GNAQ: variants seen among roughly 807,000 people sequenced by gnomAD.
The protein encoded by GNAQ is guanine nucleotide-binding protein G(q) subunit alpha.
GNAQ carries 8 observed loss-of-function variants against 43.9 expected under a neutral mutation model. The ratio of observed to expected loss-of-function variants is 0.18; its 90% CI spans 0.11 to 0.33. GNAQ has a LOEUF of 0.33. GNAQ is among the 10% of genes least tolerant of loss of function. The probability of loss-of-function intolerance (pLI) is 1.00; values close to 1 mark genes in which losing one functional copy is unlikely to be tolerated. For missense variants in GNAQ, 158 were observed against 450.8 expected, an observed-to-expected ratio of 0.35 and a Z score of 5.88; for synonymous variants, 155 against 170.7, an observed-to-expected ratio of 0.91 and a Z score of 0.71.
intron 1 of GNAQ, among the ~76,000 whole-genome samples, chr9:77,958,355 C>T (rs1333858110): frequency 6.6e-6 from 1 of 151,260 alleles, no homozygotes; most frequent in Non-Finnish European, 1.5e-5. Context: ...TTAGTTTTAA[C>T]AACTGACCAG....
intron 2 of GNAQ, among the ~76,000 whole-genome samples, chr9:77,883,965 T>A (rs1401072134): frequency 6.6e-6 from 1 of 152,196 alleles, no homozygotes; most frequent in African/African-American, 2.4e-5. Flanking sequence ...AAAAACAGGT[T>A]TAACTGAAGA....
chr9:77,771,559 T>C (rs554768309), intron 5 of GNAQ, among the ~76,000 whole-genome samples: 2 of 152,320 alleles, frequency 1.3e-5, no homozygotes, highest in African/African-American at 4.8e-5. Flanking sequence ...TGCAGCTCTC[T>C]GGGTATGGGA....
chr9:78,001,586 C>CTTT (rs72077017), intron 1 of GNAQ, among the ~76,000 whole-genome samples: 1 of 141,530 alleles, frequency 7.1e-6, no homozygotes. Context: ...CTTCTTTGTA[C>CTTT]TTTTTTTTTT....
Position 77,986,355 on chromosome 9 carries a change from T to A in GNAQ, c.136+44745A>T, listed in dbSNP as rs543880672. 3.9e-5 allele frequency among the ~76,000 whole-genome samples: 6 copies of A among 152,318 alleles called. No individual in the cohort carries two copies. The South Asian group carries it at 1.2e-3, about 32-fold the overall frequency. On this transcript the variant is annotated intron_variant, in intron 1 of 6. Coordinates refer to ENST00000286548, the MANE Select transcript of GNAQ (RefSeq NM_002072.5). ...TTCAGATTTGACATTTGAGGCTAACTGTGACTATTGCTAATGAAACCAAAA... is the reference window on the plus strand; with the variant it reads ...TTCAGATTTGACATTTGAGGCTAACAGTGACTATTGCTAATGAAACCAAAA...
intron 1 of GNAQ, among the ~76,000 whole-genome samples, chr9:77,937,654 AG>A (rs1829251003): frequency 6.6e-6 from 1 of 152,162 alleles, no homozygotes; most frequent in South Asian, 2.1e-4. Flanking sequence ...GCACTTTGGG[AG>A]GCCAAGGCAG....
chr9:77,798,547 TAC>T (rs1367017085), intron 3 of GNAQ, among the ~76,000 whole-genome samples: 1 of 152,198 alleles, frequency 6.6e-6, no homozygotes, highest in East Asian at 1.9e-4. Flanking sequence ...TATGTATGTA[TAC>T]AGTCATCCCT....
chr9:77,790,708 G>T (rs1339168065), intron 5 of GNAQ, among the ~76,000 whole-genome samples: 1 of 152,086 alleles, frequency 6.6e-6, no homozygotes, highest in African/African-American at 2.4e-5. Flanking sequence ...CTTTAAGTTT[G>T]TCTCTAACAT....
At chr9:77,754,742 C>T (rs1445743461) in intron 5 of GNAQ, among the ~76,000 whole-genome samples, 3 of 152,102 alleles carry the variant, frequency 2.0e-5, no homozygotes, top group African/African-American at 7.2e-5. Flanking sequence ...CAAATGCTGG[C>T]GAGGATGTGG....
At chr9:78,017,385 T>C (rs1210160747) in intron 1 of GNAQ, among the ~76,000 whole-genome samples, 1 of 152,204 alleles carries the variant, frequency 6.6e-6, no homozygotes, top group Non-Finnish European at 1.5e-5. Flanking sequence ...CAGCCATAAA[T>C]ATGTTCCAAA....
chr9:77,924,164 G>A (rs1057097559), intron 1 of GNAQ, among the ~76,000 whole-genome samples: 4 of 152,072 alleles, frequency 2.6e-5, no homozygotes, highest in African/African-American at 9.7e-5. Flanking sequence ...TATCACCCCA[G>A]TTTAACAGGA....
At chr9:77,852,813 T>G (rs539696253) in intron 2 of GNAQ, among the ~76,000 whole-genome samples, 2 of 152,358 alleles carry the variant, frequency 1.3e-5, no homozygotes, top group African/African-American at 4.8e-5. Flanking sequence ...ATAATTATAC[T>G]GTCTGTAATT....
intron 2 of GNAQ, among the ~76,000 whole-genome samples, chr9:77,888,630 T>TA (rs34736307): frequency 1.3e-5 from 2 of 152,152 alleles, no homozygotes; most frequent in African/African-American, 4.8e-5. Flanking sequence ...CTGCTTGCCT[T>TA]AAAAAAAGTA....
intron 1 of GNAQ, among the ~76,000 whole-genome samples, chr9:78,020,173 C>G (rs1376453948): frequency 6.6e-6 from 1 of 152,064 alleles, no homozygotes; most frequent in African/African-American, 2.4e-5. Flanking sequence ...CCGTGGGAAA[C>G]TGAGAGCCAT....
intron 6 of GNAQ, among the ~76,000 whole-genome samples, chr9:77,724,940 A>G (rs1466439788): frequency 6.6e-6 from 1 of 152,182 alleles, no homozygotes; most frequent in Non-Finnish European, 1.5e-5. Context: ...AAGTAATAAA[A>G]ACTATTCAAA....
intron 5 of GNAQ, among the ~76,000 whole-genome samples, chr9:77,775,623 G>T (rs979139736): frequency 2.0e-5 from 3 of 151,088 alleles, no homozygotes; most frequent in African/African-American, 7.3e-5. Context: ...CCATGGTCTC[G>T]ATCTCTTGAC....
intron 5 of GNAQ, among the ~76,000 whole-genome samples, chr9:77,734,943 T>C (rs1410285868): frequency 1.3e-5 from 2 of 152,216 alleles, no homozygotes; most frequent in East Asian, 3.8e-4. Flanking sequence ...AAGTTACAGG[T>C]TAAGACAACA....
chr9:77,776,450 G>T lies in GNAQ; in HGVS notation c.735+18013C>A, dbSNP rs564987812. Among the ~76,000 whole-genome samples, 7 of 151,756 alleles carry T rather than the reference G, an allele frequency of 4.6e-5. No homozygotes were observed. The South Asian group carries it at 8.4e-4, about 18-fold the overall frequency. ...TAATATCAGACAAAACAGACTTCAG[G>T]GTAAAAATTATTACTAGAGACAAAT... On this transcript the variant is annotated intron_variant, in intron 5 of 6. Transcript: ENST00000286548.
intron 1 of GNAQ, among the ~76,000 whole-genome samples, chr9:77,940,437 C>T (rs1372280124): frequency 2.6e-5 from 4 of 152,022 alleles, no homozygotes; most frequent in African/African-American, 9.7e-5. Context: ...CAAAAATTAG[C>T]TGGGCATGGT....
intron 3 of GNAQ, among the ~76,000 whole-genome samples, chr9:77,802,413 C>T (rs1464179859): frequency 1.3e-5 from 2 of 151,818 alleles, no homozygotes; most frequent in East Asian, 1.9e-4. Context: ...TGATGGTCCT[C>T]GTCACATACT....
Sources: allele counts gnomAD v4.1 joint callset (sites outside exome capture counted in the v4.1 genomes callset), GRCh38; gene constraint gnomAD v4.1.1; transcripts MANE v1.5; gene names NCBI Gene and HGNC (gene_info 2026-07-23, HGNC 2026-07-21).